ZBTB46: variants seen among roughly 807,000 people sequenced by gnomAD.
The protein encoded by ZBTB46 is zinc finger and BTB domain containing 46, also known as zinc finger and BTB domain-containing protein 46.
Under a neutral mutation model 44.1 loss-of-function variants are expected in ZBTB46, and 8 were observed. The ratio of observed to expected loss-of-function variants is 0.18; its 90% confidence interval spans 0.11 to 0.33. The LOEUF (loss-of-function observed/expected upper bound fraction) is 0.33. Among genes scored for constraint, ZBTB46 ranks in the 10% least tolerant of loss-of-function variants. The probability of loss-of-function intolerance (pLI) is 1.00; values close to 1 mark genes in which losing one functional copy is unlikely to be tolerated. For missense variants in ZBTB46, 651 were observed against 847.7 expected (o/e 0.77, Z 2.88); for synonymous variants, 409 against 382.3 (o/e 1.07, Z -0.81).
At chr20:63,773,736 C>T (rs527807940) in intron 3 of ZBTB46, among the ~76,000 whole-genome samples, 2 of 151,228 alleles carry the variant, frequency 1.3e-5, no homozygotes, top group Non-Finnish European at 3.0e-5. Context: ...CCCCTCCGAC[C>T]GCACCCACGG....
intron 1 of ZBTB46, among the ~76,000 whole-genome samples, chr20:63,798,221 C>A (rs1317150206): frequency 6.6e-6 from 1 of 152,108 alleles, no homozygotes; most frequent in Non-Finnish European, 1.5e-5. Flanking sequence ...ATATGGCTAG[C>A]CAGTTTTCCC....
intron 1 of ZBTB46, among the ~76,000 whole-genome samples, chr20:63,794,686 C>A (rs1392975604): frequency 6.6e-6 from 1 of 152,214 alleles, no homozygotes; most frequent in Non-Finnish European, 1.5e-5. Context: ...CAGCTGCAAC[C>A]CCAAAACAGA....
intron 1 of ZBTB46, among the ~76,000 whole-genome samples, chr20:63,797,508 G>T (rs1439799224): frequency 1.3e-5 from 2 of 152,122 alleles, no homozygotes; most frequent in African/African-American, 2.4e-5. Context: ...AATCCTTTGG[G>T]TATATACCCA....
intron 3 of ZBTB46, among the ~76,000 whole-genome samples, chr20:63,771,672 G>A (rs1160105316): frequency 6.6e-6 from 1 of 152,160 alleles, no homozygotes; most frequent in East Asian, 1.9e-4. Flanking sequence ...TTCCCTGGAC[G>A]CAGGCGCTGG....
chr20:63,784,343 T>G (rs933712852), intron 2 of ZBTB46, among the ~76,000 whole-genome samples: 2 of 152,204 alleles, frequency 1.3e-5, no homozygotes, highest in African/African-American at 4.8e-5. Context: ...CAGGCAGTGC[T>G]AGGCACCCGA....
At chr20:63,769,398 A>G (rs183900394) in intron 3 of ZBTB46, 251 of 985,334 alleles carry the variant, frequency 2.5e-4, no homozygotes, top group Non-Finnish European at 2.9e-4. Context: ...GAACACAGGA[A>G]AGGAGGAGTC....
intron 1 of ZBTB46, among the ~76,000 whole-genome samples, chr20:63,792,798 G>T (rs967542767): frequency 6.6e-6 from 1 of 152,210 alleles, no homozygotes; most frequent in Non-Finnish European, 1.5e-5. Context: ...GATTACAGGC[G>T]TGAGCCACCA....
In ZBTB46 at chr20:63,817,200, G is replaced by A. The variant is rs147665098; in HGVS notation, c.-34+13897C>T. Reference sequence around the variant, plus strand: ...TTGGGGAGGCAGAGGCAGGAGGATCGCTTGAGCCCAGCATGGGCCACATAG... The same window carrying A: ...TTGGGGAGGCAGAGGCAGGAGGATCACTTGAGCCCAGCATGGGCCACATAG... On this transcript the variant is annotated intron_variant, in intron 1 of 4. Coordinates refer to ENST00000245663, the MANE Select transcript of ZBTB46 (RefSeq NM_001369741.1). Among the ~76,000 whole-genome samples the A allele has an allele frequency of 2.0e-4, 30 of 152,232 alleles. 1 individual carries two copies. The East Asian group carries it at 5.0e-3, about 25-fold the overall frequency.
At chr20:63,771,464 C>G (rs1427797952) in intron 3 of ZBTB46, among the ~76,000 whole-genome samples, 3 of 152,118 alleles carry the variant, frequency 2.0e-5, no homozygotes, top group Non-Finnish European at 4.4e-5. Flanking sequence ...CTTAGAAGTC[C>G]GTGAGTTCAA....
intron 2 of ZBTB46, among the ~76,000 whole-genome samples, chr20:63,779,397 C>T (rs1174339961): frequency 1.4e-5 from 2 of 142,462 alleles, no homozygotes; most frequent in Admixed American, 7.2e-5. Context: ...CGTGCCACCA[C>T]GCCGGCTAAT....
intron 2 of ZBTB46, among the ~76,000 whole-genome samples, chr20:63,786,354 G>A (rs1420638398): frequency 1.3e-5 from 2 of 152,156 alleles, no homozygotes; most frequent in African/African-American, 2.4e-5. Context: ...TTGTACCAAC[G>A]GGGGATCCAA....
chr20:63,798,685 A>AAAAAAACAAAAAAAAAAC lies in ZBTB46; in HGVS notation c.-33-7896_-33-7895insGTTTTTTTTTTGTTTTTT, dbSNP rs2092621606. 3.9e-5 allele frequency among the ~76,000 whole-genome samples: 5 copies of AAAAAAACAAAAAAAAAAC among 127,888 alleles called. 1 individual carries two copies. Among genetic ancestry groups the AAAAAAACAAAAAAAAAAC allele is most frequent in the African/African-American group, 1.3e-4 (4 of 31,214 alleles). 83.9% of individuals were successfully genotyped at this position (127,888 alleles called of 152,430 possible). On this transcript the variant is annotated intron_variant, in intron 1 of 4. Coordinates refer to ENST00000245663, the MANE Select transcript of ZBTB46 (RefSeq NM_001369741.1). ...GCTAGACTCTGTCTCAAAAAAAAAAAAAAAAAAATTAGCTGGGCATGGTAG... is the reference window on the plus strand; with the variant it reads ...GCTAGACTCTGTCTCAAAAAAAAAAAAAAAAACAAAAAAAAAACAAAAAAAATTAGCTGGGCATGGTAG...
At chr20:63,782,425 G>T (rs923220486) in intron 2 of ZBTB46, among the ~76,000 whole-genome samples, 1 of 152,190 alleles carries the variant, frequency 6.6e-6, no homozygotes, top group Non-Finnish European at 1.5e-5. Flanking sequence ...AGCCAGAAGA[G>T]GCACATGGAC....
Position 63,752,662 on chromosome 20 carries a change from C to T in ZBTB46, c.1398+24G>A. ...CATCGTGGCCACGCGCAGCGCGCGGCACGCGGACCCTCCCCGCACTCACCA... is the reference window on the plus strand; with the variant it reads ...CATCGTGGCCACGCGCAGCGCGCGGTACGCGGACCCTCCCCGCACTCACCA... On this transcript the variant is annotated intron_variant, in intron 4 of 4. Transcript: ENST00000245663. The surrounding 1 kb of genome is among the most constrained non-coding windows in gnomAD (Gnocchi z 5.6). 1 of 1,513,458 alleles carries T rather than the reference C, an allele frequency of 6.6e-7. No homozygotes were observed. The highest frequency in any genetic ancestry group is 8.8e-7 in the Non-Finnish European group (1 of 1,130,304). The allele number at this position is 1,513,458 out of a possible 1,614,324, so 93.8% of individuals were successfully genotyped here. A position where few individuals can be genotyped will look rare whatever the true frequency, so the allele number is the denominator to read the frequency against.
chr20:63,771,160 C>T (rs1472932192), intron 3 of ZBTB46, among the ~76,000 whole-genome samples: 1 of 152,202 alleles, frequency 6.6e-6, no homozygotes, highest in East Asian at 1.9e-4. Context: ...GTACCGGGGA[C>T]CCTCGCCCAG....
At chr20:63,805,322 A>AGT (rs2092674416) in intron 1 of ZBTB46, among the ~76,000 whole-genome samples, 1 of 152,232 alleles carries the variant, frequency 6.6e-6, no homozygotes, top group Non-Finnish European at 1.5e-5. Context: ...GCAGCCGGGC[A>AGT]GTGTGGTACA....
chr20:63,781,012 G>T (rs980784839), intron 2 of ZBTB46, among the ~76,000 whole-genome samples: 9 of 148,914 alleles, frequency 6.0e-5, no homozygotes, highest in Non-Finnish European at 1.2e-4. Flanking sequence ...GCGGTGGCGG[G>T]TGCCTGTAAT....
chr20:63,770,490 A>G (rs2092359940), intron 3 of ZBTB46, among the ~76,000 whole-genome samples: 1 of 152,176 alleles, frequency 6.6e-6, no homozygotes, highest in Non-Finnish European at 1.5e-5. Flanking sequence ...CCATCTGTTT[A>G]ATTTAACAGC....
intron 3 of ZBTB46, among the ~76,000 whole-genome samples, chr20:63,770,972 CAG>C (rs1568848156): frequency 1.5e-5 from 2 of 134,032 alleles, no homozygotes; most frequent in Non-Finnish European, 3.2e-5. Flanking sequence ...CCCGGCACAG[CAG>C]CCACGCCGCT....
Sources: allele counts gnomAD v4.1 joint callset (sites outside exome capture counted in the v4.1 genomes callset), GRCh38; gene constraint gnomAD v4.1.1; non-coding constraint Gnocchi (gnomAD v3.1); transcripts MANE v1.5; gene names NCBI Gene and HGNC (gene_info 2026-07-23, HGNC 2026-07-21).